FBLN5: variants seen among roughly 807,000 people sequenced by gnomAD.
FBLN5 encodes fibulin-5.
A neutral mutation model predicts 61.6 loss-of-function variants in FBLN5; 24 were observed. The ratio of observed to expected loss-of-function variants is 0.39; its 90% confidence interval spans 0.28 to 0.55. The LOEUF (loss-of-function observed/expected upper bound fraction) is 0.55, where lower values mean the gene tolerates loss of function less well. Among genes scored for constraint, FBLN5 ranks in the 20% least tolerant of loss-of-function variants. The pLI, the probability that FBLN5 is intolerant of heterozygous loss-of-function variation, is 0.65. For synonymous variants in FBLN5, 213 were observed against 219.8 expected, an observed-to-expected ratio of 0.97 and a Z score of 0.27; for missense variants, 470 against 594.1, an observed-to-expected ratio of 0.79 and a Z score of 2.17.
intron 1 of FBLN5, among the ~76,000 whole-genome samples, chr14:91,945,728 T>A (rs975514840): frequency 3.3e-5 from 5 of 152,008 alleles, no homozygotes; most frequent in African/African-American, 1.2e-4. Flanking sequence ...CTTTATCGAG[T>A]CCCCAATCCA....
At chr14:91,911,266 T>A (rs1175568385) in intron 4 of FBLN5, among the ~76,000 whole-genome samples, 1 of 152,198 alleles carries the variant, frequency 6.6e-6, no homozygotes, top group Non-Finnish European at 1.5e-5. Flanking sequence ...ATTACAGGCG[T>A]GAGCCACCAC....
intron 4 of FBLN5, among the ~76,000 whole-genome samples, chr14:91,896,673 C>T (rs1393338301): frequency 1.3e-5 from 2 of 152,106 alleles, no homozygotes; most frequent in Non-Finnish European, 2.9e-5. Context: ...AAGTCTACTC[C>T]GTGCAGGTCT....
At chr14:91,896,451 GACCA>G (rs10538021) in intron 4 of FBLN5, among the ~76,000 whole-genome samples, 73,663 of 151,474 alleles carry the variant, frequency 0.49, 18,954 homozygotes, top group Admixed American at 0.65. Context: ...TCACCGAATG[GACCA>G]TGGTGCAGTC....
rs1451509746 is a variant in FBLN5, at chr14:91,869,805, C to G, written c.*419G>C. On this transcript the variant is annotated 3_prime_UTR_variant, in exon 11 of 11. Transcript: ENST00000342058. ...CTACTCCCAGGGTTCCCCGCCAGCT[C>G]CCGGGTCTTTGCAAAGCAGTAACAC... is the stretch of plus-strand genomic sequence containing the variant. 2 of 256,776 alleles carry G rather than the reference C, an allele frequency of 7.8e-6. No individual in the cohort carries two copies. Among genetic ancestry groups the G allele is most frequent in the Non-Finnish European group, 7.7e-6 (1 of 129,784 alleles). The allele number at this position is 256,776 out of a possible 1,614,324, so 15.9% of individuals were successfully genotyped here. A position where few individuals can be genotyped will look rare whatever the true frequency, so the allele number is the denominator to read the frequency against.
chr14:91,939,883 G>A, intron 3 of FBLN5: 1 of 443,594 alleles, frequency 2.3e-6, no homozygotes, highest in South Asian at 1.6e-5. Context: ...GATTTTCTGG[G>A]TGGGCCCGAT....
chr14:91,881,512 G>T, intron 8 of FBLN5, 94 bp from the exon 9 acceptor site: 3 of 1,391,474 alleles, frequency 2.2e-6, no homozygotes, highest in African/African-American at 1.4e-5. Flanking sequence ...CTACAGAGCT[G>T]TACTATCCAA....
At chr14:91,884,342 C>T (rs1392424682) in intron 7 of FBLN5, among the ~76,000 whole-genome samples, 2 of 152,148 alleles carry the variant, frequency 1.3e-5, no homozygotes, top group African/African-American at 4.8e-5. Context: ...TGTAGAGCCC[C>T]GGGTCTCTGG....
chr14:91,919,366 GA>G (rs1566819911), intron 4 of FBLN5, among the ~76,000 whole-genome samples: 35 of 113,254 alleles, frequency 3.1e-4, no homozygotes, highest in Non-Finnish European at 4.1e-4. Context: ...GAAAAGAAAA[GA>G]AAAGAAAAGA....
intron 10 of FBLN5, among the ~76,000 whole-genome samples, chr14:91,870,751 T>A (rs1373850756): frequency 6.6e-6 from 1 of 152,234 alleles, no homozygotes; most frequent in Non-Finnish European, 1.5e-5. Flanking sequence ...CACTAGGCTA[T>A]GAGTTCTGTA....
intron 4 of FBLN5, among the ~76,000 whole-genome samples, chr14:91,909,084 A>AT (rs1890807988): frequency 2.0e-5 from 3 of 151,634 alleles, no homozygotes; most frequent in Admixed American, 2.0e-4. Context: ...CGCCCGGCTA[A>AT]TTTTTTGTAT....
chr14:91,901,683 C>G (rs1890456293), intron 4 of FBLN5, among the ~76,000 whole-genome samples: 1 of 152,210 alleles, frequency 6.6e-6, no homozygotes, highest in African/African-American at 2.4e-5. Flanking sequence ...CGTTGGAGAA[C>G]TCGCTGTCGA....
chr14:91,932,589 G>T (rs1271754089), intron 4 of FBLN5, among the ~76,000 whole-genome samples: 1 of 152,208 alleles, frequency 6.6e-6, no homozygotes, highest in African/African-American at 2.4e-5. Flanking sequence ...ACTTTGAGAA[G>T]AAATCAGTGC....
chr14:91,937,255 G>A lies in FBLN5; in HGVS notation c.125-54C>T, dbSNP rs913171013. 6.9e-5 allele frequency: 111 copies of A among 1,610,390 alleles called. No homozygotes were observed. In the Admixed American group the frequency reaches 8.9e-4, roughly 13 times the overall value. On this transcript the variant is annotated intron_variant, in intron 3 of 10. Transcript: ENST00000342058. The stretch of plus-strand genomic sequence containing the variant: ...GTGGCACCCCAACTGCCTTGTGTCC[G>A]GTGCATATTTAAGCAGAACTCGGTA...
intron 4 of FBLN5, among the ~76,000 whole-genome samples, chr14:91,927,286 A>G (rs1243698852): frequency 6.6e-6 from 1 of 152,202 alleles, no homozygotes; most frequent in Non-Finnish European, 1.5e-5. Context: ...GATAACATAA[A>G]CATCTCCCAA....
intron 4 of FBLN5, among the ~76,000 whole-genome samples, chr14:91,932,720 A>G (rs2055945896): frequency 6.6e-6 from 1 of 152,248 alleles, no homozygotes; most frequent in Non-Finnish European, 1.5e-5. Flanking sequence ...GGGACGAAGG[A>G]ATAAGATAAC....
intron 3 of FBLN5, among the ~76,000 whole-genome samples, chr14:91,940,133 C>A (rs989283715): frequency 2.0e-5 from 3 of 152,184 alleles, no homozygotes; most frequent in African/African-American, 4.8e-5. Context: ...AAACTCAATT[C>A]TGCCAACAAC....
intron 4 of FBLN5, among the ~76,000 whole-genome samples, chr14:91,896,457 G>GAA (rs10628890): frequency 0.49 from 73,655 of 151,468 alleles, 18,948 homozygotes; most frequent in Admixed American, 0.65. Context: ...AATGGACCAT[G>GAA]GTGCAGTCGG....
At chr14:91,905,096 C>A (rs1351072354) in intron 4 of FBLN5, among the ~76,000 whole-genome samples, 3 of 152,126 alleles carry the variant, frequency 2.0e-5, no homozygotes, top group African/African-American at 7.2e-5. Flanking sequence ...CTCAATCAGT[C>A]CATCAGCAGC....
chr14:91,910,217 G>T (rs544998420), intron 4 of FBLN5, among the ~76,000 whole-genome samples: 1 of 152,154 alleles, frequency 6.6e-6, no homozygotes, highest in Non-Finnish European at 1.5e-5. Flanking sequence ...ACTCTAGCAC[G>T]TGCTACAACA....
Sources: allele counts gnomAD v4.1 joint callset (sites outside exome capture counted in the v4.1 genomes callset), GRCh38; gene constraint gnomAD v4.1.1; transcripts MANE v1.5; gene names NCBI Gene and HGNC (gene_info 2026-07-23, HGNC 2026-07-21).